Variants in SLC5A4 observed in about 807,000 individuals in gnomAD.
SLC5A4 encodes probable glucose sensor protein SLC5A4.
In SLC5A4, 55 loss-of-function variants were observed where a neutral mutation model predicts 70.3. That is an observed-to-expected ratio of 0.78 (90% CI 0.63 to 0.98). The LOEUF (loss-of-function observed/expected upper bound fraction) is 0.98, where lower values mean the gene tolerates loss of function less well. Among genes scored for constraint, SLC5A4 ranks in the 50% least tolerant of loss-of-function variants. The pLI is 0.00. For missense variants in SLC5A4, 735 were observed against 839.2 expected (o/e 0.88, Z 1.53); for synonymous variants, 268 against 305.7 (o/e 0.88, Z 1.29).
the SLC5A4 span, among the ~76,000 whole-genome samples, chr22:32,326,160 G>A: frequency 6.6e-6 from 1 of 152,164 alleles, no homozygotes; most frequent in Non-Finnish European, 1.5e-5. Flanking sequence ...GGCACAACAC[G>A]CCTCATTCCA....
At chr22:32,222,261 C>A (rs571977246) in intron 13 of SLC5A4, among the ~76,000 whole-genome samples, 4 of 152,212 alleles carry the variant, frequency 2.6e-5, no homozygotes, top group African/African-American at 9.6e-5. Context: ...TGTATTAGAT[C>A]CACTTTCTTT....
chr22:32,239,554 A>ATATATATATATATATATATATTTT (rs1926322052), intron 5 of SLC5A4, among the ~76,000 whole-genome samples: 1 of 16,854 alleles, frequency 5.9e-5, no homozygotes, highest in East Asian at 3.1e-3. Context: ...ATATATATAT[A>ATATATATATATATATATATATTTT]TATATATATA....
the SLC5A4 span, among the ~76,000 whole-genome samples, chr22:32,309,911 G>A: frequency 6.6e-6 from 1 of 151,904 alleles, no homozygotes; most frequent in Non-Finnish European, 1.5e-5. Flanking sequence ...GGGTCTCGGT[G>A]ATCTCTGCTG....
At chr22:32,266,266 CT>C in the SLC5A4 span, among the ~76,000 whole-genome samples, 1 of 152,122 alleles carries the variant, frequency 6.6e-6, no homozygotes, top group African/African-American at 2.4e-5. Flanking sequence ...GGGCCCGTGT[CT>C]TTTGGTGGGC....
chr22:32,335,001 C>A, the SLC5A4 span, among the ~76,000 whole-genome samples: 1 of 152,218 alleles, frequency 6.6e-6, no homozygotes, highest in Non-Finnish European at 1.5e-5. Context: ...CTCCGCAGTG[C>A]TGGGCAGGGA....
At chr22:32,254,824 G>C (rs1927380902) in intron 1 of SLC5A4, among the ~76,000 whole-genome samples, 1 of 151,698 alleles carries the variant, frequency 6.6e-6, no homozygotes, top group South Asian at 2.1e-4. Flanking sequence ...AAAATTTGCA[G>C]TCTCAAATTT....
chr22:32,258,862 A>G (rs116810614), upstream of SLC5A4, among the ~76,000 whole-genome samples: 485 of 152,358 alleles, frequency 3.2e-3, 1 homozygote, highest in African/African-American at 0.011. Context: ...ACTATGTGGT[A>G]TATGCATCCA....
chr22:32,268,176 G>T, the SLC5A4 span: 1 of 152,302 alleles, frequency 6.6e-6, no homozygotes, highest in Admixed American at 6.5e-5. Context: ...TGTTTCACTA[G>T]TAATTGTGCA....
chr22:32,297,496 G>A, the SLC5A4 span, among the ~76,000 whole-genome samples: 1 of 120,478 alleles, frequency 8.3e-6, no homozygotes, highest in Non-Finnish European at 1.8e-5. Context: ...GATCGGTGGT[G>A]ATATCCCCTT....
the SLC5A4 span, among the ~76,000 whole-genome samples, chr22:32,340,141 G>A: frequency 6.6e-6 from 1 of 151,764 alleles, no homozygotes; most frequent in South Asian, 2.1e-4. Context: ...CTCTCTCCGA[G>A]CCTCCTCGGT....
In SLC5A4 at chr22:32,251,626, T is replaced by C. The variant is rs1238224295; in HGVS notation, c.312+144A>G. On this transcript the variant is annotated intron_variant, in intron 3 of 14. Transcript: ENST00000266086. The stretch of plus-strand genomic sequence containing the variant: ...GATGTGGGTCCCTCAGCCCTTGCAC[T>C]TCCCAGCCTTCAGAGCTGTCAGAGA... 6.4e-6 allele frequency: 4 copies of C among 620,870 alleles called. No individual in the cohort carries two copies. In the Admixed American group the frequency reaches 1.1e-4, roughly 17 times the overall value. The allele number at this position is 620,870 out of a possible 1,614,324, so 38.5% of individuals were successfully genotyped here. A position where few individuals can be genotyped will look rare whatever the true frequency, so the allele number is the denominator to read the frequency against.
chr22:32,319,397 A>G, the SLC5A4 span, among the ~76,000 whole-genome samples: 1 of 151,770 alleles, frequency 6.6e-6, no homozygotes, highest in Non-Finnish European at 1.5e-5. Context: ...AACTCACACC[A>G]TCAGCTCTCC....
upstream of SLC5A4, among the ~76,000 whole-genome samples, chr22:32,257,758 T>C (rs564285928): frequency 1.3e-4 from 20 of 151,504 alleles, no homozygotes; most frequent in Admixed American, 2.6e-4. Context: ...CTCCATTTCC[T>C]GGGTTCAAGC....
At chr22:32,348,682 C>T in the SLC5A4 span, among the ~76,000 whole-genome samples, 32 of 152,096 alleles carry the variant, frequency 2.1e-4, no homozygotes, top group African/African-American at 6.8e-4. Flanking sequence ...GTAAGATTTT[C>T]GTAACTATTT....
In SLC5A4 at chr22:32,231,496, C is replaced by T. The variant is rs114585472; in HGVS notation, c.1022-421G>A. Among the ~76,000 whole-genome samples the T allele has an allele frequency of 8.6e-3, 1,309 of 152,336 alleles. 20 individuals are homozygous for T. The highest frequency in any genetic ancestry group is 0.03 in the African/African-American group (1,256 of 41,570). On this transcript the variant is annotated intron_variant, in intron 9 of 14. Transcript: ENST00000266086. Reference sequence around the variant, plus strand: ...TTCACCTGCATCTAAGAAGAGGTGTCGCTTGTGATGGTCAGTTGGGTGACT... The same window carrying T: ...TTCACCTGCATCTAAGAAGAGGTGTTGCTTGTGATGGTCAGTTGGGTGACT...
At chr22:32,239,558 ATATATATATAT>A (rs1926334072) in intron 5 of SLC5A4, among the ~76,000 whole-genome samples, 7 of 24,970 alleles carry the variant, frequency 2.8e-4, no homozygotes, top group African/African-American at 4.4e-4. Flanking sequence ...ATATATATAT[ATATATATATAT>A]TTATATATAT....
Position 32,232,652 on chromosome 22 carries a change from A to G in SLC5A4, c.1021+247T>C, listed in dbSNP as rs5998324. Among the ~76,000 whole-genome samples, 1,153 of 152,118 alleles carry G rather than the reference A, an allele frequency of 7.6e-3. 15 individuals carry two copies. Among genetic ancestry groups the G allele is most frequent in the African/African-American group, 0.026 (1,069 of 41,498 alleles). On this transcript the variant is annotated intron_variant, in intron 9 of 14. Transcript: ENST00000266086. The stretch of plus-strand genomic sequence containing the variant: ...GGACTTCCTTAAATCTAAGCAACTC[A>G]TGAAGACGGAACTCACAGACTCAAA...
At chr22:32,245,969 C>A (rs1350037682) in intron 5 of SLC5A4, among the ~76,000 whole-genome samples, 3 of 152,220 alleles carry the variant, frequency 2.0e-5, no homozygotes. Context: ...CCTAACCTTC[C>A]CATCCTGGGG....
At chr22:32,341,602 A>C in the SLC5A4 span, among the ~76,000 whole-genome samples, 1 of 152,168 alleles carries the variant, frequency 6.6e-6, no homozygotes, top group Non-Finnish European at 1.5e-5. Context: ...AACAGCGGGG[A>C]AGGCTCACGG....
Sources: gnomAD v4.1 joint callset for allele counts (sites outside exome capture counted in the v4.1 genomes callset) on GRCh38, gnomAD v4.1.1 for gene constraint, MANE v1.5 for transcripts, NCBI Gene and HGNC (gene_info 2026-07-23, HGNC 2026-07-21) for gene names.